Variants in LRP1B observed in about 807,000 individuals in gnomAD.
LRP1B encodes LDL receptor related protein 1B, also known as low-density lipoprotein receptor-related protein 1B.
LRP1B carries 217 observed loss-of-function variants against 556.6 expected under a neutral mutation model. The observed-to-expected ratio is 0.39, with a 90% CI of 0.35 to 0.44. LRP1B has a LOEUF of 0.44. Among genes scored for constraint, LRP1B ranks in the 20% least tolerant of loss-of-function variants. LRP1B has a pLI of 1.00. For missense variants in LRP1B, 5,053 were observed against 5,620.8 expected, an observed-to-expected ratio of 0.90 and a Z score of 3.23; for synonymous variants, 2,047 against 1,865.8, an observed-to-expected ratio of 1.10 and a Z score of -2.50.
intron 3 of LRP1B, among the ~76,000 whole-genome samples, chr2:141,268,566 A>T (rs903254483): frequency 6.6e-6 from 1 of 152,170 alleles, no homozygotes; most frequent in Admixed American, 6.6e-5. Context: ...AAGGCCAAGA[A>T]GGAAATCAAT....
chr2:141,636,003 T>C (rs1156781174), intron 2 of LRP1B, among the ~76,000 whole-genome samples: 2 of 152,132 alleles, frequency 1.3e-5, no homozygotes, highest in African/African-American at 4.8e-5. Flanking sequence ...AACACATTCC[T>C]GCTGATCCTT....
At chr2:141,546,475 G>A (rs147564609) in intron 2 of LRP1B, among the ~76,000 whole-genome samples, 4 of 152,042 alleles carry the variant, frequency 2.6e-5, no homozygotes, top group Non-Finnish European at 4.4e-5. Context: ...CCATCTTCTC[G>A]TCTCCTCTAT....
At chr2:141,450,581 AAAAT>A (rs1160300898) in intron 3 of LRP1B, among the ~76,000 whole-genome samples, 1 of 150,548 alleles carries the variant, frequency 6.6e-6, no homozygotes, top group Non-Finnish European at 1.5e-5. Context: ...ATTTTAAAAA[AAAAT>A]ATATATATAT....
intron 2 of LRP1B, among the ~76,000 whole-genome samples, chr2:141,753,370 T>G (rs1313828740): frequency 6.7e-6 from 1 of 150,312 alleles, no homozygotes; most frequent in East Asian, 2.0e-4. Context: ...CCTGTTCCAG[T>G]TGTATTCTCC....
intron 66 of LRP1B, among the ~76,000 whole-genome samples, chr2:140,389,570 TTA>T (rs1459930409): frequency 6.6e-5 from 10 of 150,756 alleles, no homozygotes; most frequent in African/African-American, 2.2e-4. Flanking sequence ...CTAGCAAAAT[TTA>T]TATATGATTT....
intron 6 of LRP1B, among the ~76,000 whole-genome samples, chr2:141,199,300 T>G (rs1365289454): frequency 2.6e-5 from 4 of 152,182 alleles, no homozygotes; most frequent in African/African-American, 9.6e-5. Context: ...TCTTATAACA[T>G]TTTACCATGA....
At chr2:140,717,881 T>C (rs1044264026) in intron 35 of LRP1B, among the ~76,000 whole-genome samples, 2 of 152,104 alleles carry the variant, frequency 1.3e-5, no homozygotes, top group African/African-American at 4.8e-5. Flanking sequence ...ATAATCCCTG[T>C]TCTCAGCAAT....
chr2:141,226,519 T>C (rs754114147), intron 6 of LRP1B, among the ~76,000 whole-genome samples: 6 of 152,140 alleles, frequency 3.9e-5, no homozygotes, highest in Non-Finnish European at 5.9e-5. Context: ...AAAACTAAAA[T>C]GTTTATATTT....
intron 35 of LRP1B, among the ~76,000 whole-genome samples, chr2:140,717,683 T>C: frequency 6.6e-6 from 1 of 152,134 alleles, no homozygotes. Flanking sequence ...GTTTTTGTGT[T>C]GCGACCTACA....
intron 35 of LRP1B, among the ~76,000 whole-genome samples, chr2:140,765,258 A>G (rs1689061719): frequency 6.6e-6 from 1 of 152,174 alleles, no homozygotes; most frequent in Non-Finnish European, 1.5e-5. Context: ...TAAAAGATGA[A>G]AAAAGAATGT....
chr2:140,917,204 C>A (rs1040114858), intron 21 of LRP1B, among the ~76,000 whole-genome samples: 1 of 152,128 alleles, frequency 6.6e-6, no homozygotes, highest in Non-Finnish European at 1.5e-5. Flanking sequence ...TAAAGGTGTT[C>A]AAGGATATAG....
chr2:140,787,425 T>G (rs554160344), intron 32 of LRP1B, among the ~76,000 whole-genome samples: 2 of 152,264 alleles, frequency 1.3e-5, no homozygotes, highest in Admixed American at 6.5e-5. Flanking sequence ...TTTGCAAAGT[T>G]TACTAGTCCC....
intron 62 of LRP1B, among the ~76,000 whole-genome samples, chr2:140,455,485 G>C (rs1365196430): frequency 6.6e-6 from 1 of 152,134 alleles, no homozygotes; most frequent in Non-Finnish European, 1.5e-5. Flanking sequence ...AAGGTACCAA[G>C]AAGTAACAAA....
At chr2:141,487,518 G>A (rs763945841) in intron 2 of LRP1B, among the ~76,000 whole-genome samples, 13 of 152,016 alleles carry the variant, frequency 8.6e-5, no homozygotes, top group Non-Finnish European at 1.8e-4. Context: ...AATTATAATG[G>A]TTCTCAATTG....
At chr2:140,829,919 A>C (rs1691656361) in intron 31 of LRP1B, among the ~76,000 whole-genome samples, 1 of 152,080 alleles carries the variant, frequency 6.6e-6, no homozygotes, top group African/African-American at 2.4e-5. Context: ...AAACAAAAAA[A>C]GGAGACATAA....
chr2:141,214,038 TG>T (rs1178789101), intron 6 of LRP1B, among the ~76,000 whole-genome samples: 1 of 152,212 alleles, frequency 6.6e-6, no homozygotes, highest in Non-Finnish European at 1.5e-5. Context: ...TTTACTGTTT[TG>T]TTTTTTTCCT....
chr2:140,793,355 T>C (rs1343729576), intron 32 of LRP1B, among the ~76,000 whole-genome samples: 1 of 152,026 alleles, frequency 6.6e-6, no homozygotes, highest in Non-Finnish European at 1.5e-5. Flanking sequence ...ACTAGCACTT[T>C]AATCTGGTTT....
intron 1 of LRP1B, among the ~76,000 whole-genome samples, chr2:142,061,257 G>A (rs1162949513): frequency 6.6e-6 from 1 of 151,918 alleles, no homozygotes; most frequent in Admixed American, 6.6e-5. Flanking sequence ...TGGAAACCTT[G>A]TGAAGACAAT....
intron 7 of LRP1B, among the ~76,000 whole-genome samples, chr2:141,096,663 A>AGAGAGAGG (rs1700323869): frequency 1.6e-5 from 2 of 127,754 alleles, no homozygotes; most frequent in African/African-American, 2.8e-5. Context: ...AGAGAGAGAG[A>AGAGAGAGG]GAGAGAGAGA....
Sources: allele counts gnomAD v4.1 joint callset (sites outside exome capture counted in the v4.1 genomes callset), GRCh38; gene constraint gnomAD v4.1.1; transcripts MANE v1.5; gene names NCBI Gene and HGNC (gene_info 2026-07-23, HGNC 2026-07-21).